ANXA8: variants seen among roughly 807,000 people sequenced by gnomAD.
ANXA8 encodes the protein annexin A8, also known as VAC-beta.
ANXA8 carries 9 observed loss-of-function variants against 26.8 expected under a neutral mutation model. The ratio of observed to expected loss-of-function variants is 0.34; its 90% CI spans 0.20 to 0.59. The LOEUF is 0.59. Ranked by LOEUF, ANXA8 falls within the 20% of genes least tolerant of loss-of-function variation. The probability of loss-of-function intolerance (pLI) is 0.84; values close to 1 mark genes in which losing one functional copy is unlikely to be tolerated. For synonymous variants in ANXA8, 39 were observed against 94.8 expected, an observed-to-expected ratio of 0.41 and a Z score of 3.42; for missense variants, 83 against 238.5, an observed-to-expected ratio of 0.35 and a Z score of 4.29.
At chr10:47,763,155 G>A in the ANXA8 span, 1 of 989,380 alleles carries the variant, frequency 1.0e-6, no homozygotes, top group East Asian at 1.1e-4. Flanking sequence ...CCCCGGCTCG[G>A]GGGAGCCTTC....
chr10:47,732,731 T>C, the ANXA8 span, among the ~76,000 whole-genome samples: 2 of 149,136 alleles, frequency 1.3e-5, no homozygotes, highest in Non-Finnish European at 3.0e-5. Context: ...ACATCTTTTT[T>C]TTTTTTTTGG....
the ANXA8 span, chr10:47,763,484 G>A: frequency 3.4e-6 from 2 of 588,194 alleles, no homozygotes; most frequent in Non-Finnish European, 4.2e-6. Context: ...ACTTAGAGCG[G>A]AGGAGCGGCG....
chr10:47,606,428 T>C, the ANXA8 span, among the ~76,000 whole-genome samples: 1 of 144,316 alleles, frequency 6.9e-6, no homozygotes, highest in Non-Finnish European at 1.5e-5. Context: ...TTTTATTTCC[T>C]TCTCTAAGCA....
the ANXA8 span, among the ~76,000 whole-genome samples, chr10:47,687,105 AAAAATAAAATAAAAT>A: frequency 1.5e-4 from 20 of 137,388 alleles, no homozygotes; most frequent in African/African-American, 4.3e-4. Flanking sequence ...CCCTAACTCA[AAAAATAAAATAAAAT>A]AAAATAAAAT....
chr10:47,636,613 C>T, the ANXA8 span, among the ~76,000 whole-genome samples: 1 of 144,902 alleles, frequency 6.9e-6, no homozygotes, highest in African/African-American at 2.7e-5. Context: ...ACTGAACATA[C>T]TTATTCACCT....
the ANXA8 span, among the ~76,000 whole-genome samples, chr10:47,979,404 T>C: frequency 2.0e-5 from 3 of 151,330 alleles, no homozygotes; most frequent in Non-Finnish European, 3.0e-5. Context: ...CAAGAATAAA[T>C]CTTGTCATGA....
At chr10:47,955,485 G>A in the ANXA8 span, among the ~76,000 whole-genome samples, 2 of 149,848 alleles carry the variant, frequency 1.3e-5, no homozygotes, top group African/African-American at 2.5e-5. Flanking sequence ...GGCATAGCCT[G>A]TTGCTCCTAG....
chr10:47,726,577 C>A, the ANXA8 span, among the ~76,000 whole-genome samples: 10 of 152,328 alleles, frequency 6.6e-5, no homozygotes, highest in Admixed American at 1.3e-4. Context: ...ATTTATAAAA[C>A]AGTTTAATAT....
chr10:47,701,453 A>G, the ANXA8 span, among the ~76,000 whole-genome samples: 6 of 152,066 alleles, frequency 3.9e-5, no homozygotes, highest in South Asian at 1.0e-3. Context: ...ATTGCAAAAT[A>G]TATAGGAGAA....
the ANXA8 span, among the ~76,000 whole-genome samples, chr10:47,584,049 C>T: frequency 7.0e-6 from 1 of 142,296 alleles, no homozygotes; most frequent in Non-Finnish European, 1.5e-5. Context: ...GTGTGGTGGC[C>T]CGCGCCTGTG....
the ANXA8 span, among the ~76,000 whole-genome samples, chr10:47,674,495 T>C: frequency 7.2e-5 from 11 of 151,774 alleles, no homozygotes; most frequent in South Asian, 2.3e-3. Flanking sequence ...AGTGTTGATA[T>C]TGACCTTGAT....
At chr10:47,948,474 T>A in the ANXA8 span, among the ~76,000 whole-genome samples, 4 of 134,862 alleles carry the variant, frequency 3.0e-5, no homozygotes, top group African/African-American at 8.8e-5. Context: ...AATAAAAAAA[T>A]TTCTTTATGA....
At chr10:47,704,186 T>C in the ANXA8 span, among the ~76,000 whole-genome samples, 2 of 142,738 alleles carry the variant, frequency 1.4e-5, no homozygotes, top group South Asian at 2.2e-4. Context: ...GTTTCCTGTT[T>C]AAGATAATTT....
At chr10:47,745,733 T>G in the ANXA8 span, among the ~76,000 whole-genome samples, 41 of 135,272 alleles carry the variant, frequency 3.0e-4, no homozygotes, top group African/African-American at 7.7e-4. Flanking sequence ...AACATCAGCA[T>G]GGTTCATTGC....
the ANXA8 span, among the ~76,000 whole-genome samples, chr10:47,530,636 T>C: frequency 6.7e-5 from 10 of 150,038 alleles, no homozygotes; most frequent in East Asian, 1.8e-3. Flanking sequence ...GAGGTTGCAG[T>C]GAGCCAAGAC....
the ANXA8 span, among the ~76,000 whole-genome samples, chr10:47,560,260 T>C: frequency 6.6e-6 from 1 of 152,020 alleles, no homozygotes; most frequent in African/African-American, 2.4e-5. Context: ...TAAATGCAAG[T>C]TAAAATTTTT....
At chr10:47,693,653 T>A in the ANXA8 span, among the ~76,000 whole-genome samples, 1 of 151,814 alleles carries the variant, frequency 6.6e-6, no homozygotes, top group African/African-American at 2.4e-5. Context: ...CATAGCCACA[T>A]CCCACTGGCA....
chr10:47,691,101 G>A, the ANXA8 span: 1 of 1,610,986 alleles, frequency 6.2e-7, no homozygotes. Flanking sequence ...CCAAATTCTG[G>A]CTCTAAAGTG....
the ANXA8 span, among the ~76,000 whole-genome samples, chr10:47,561,164 A>G: frequency 7.4e-4 from 113 of 152,122 alleles, 3 homozygotes; most frequent in Non-Finnish European, 1.3e-3. Context: ...ACATTACATA[A>G]TTAAGTCAAG....
Sources: allele counts gnomAD v4.1 joint callset (sites outside exome capture counted in the v4.1 genomes callset), GRCh38; gene constraint gnomAD v4.1.1; transcripts MANE v1.5; gene names NCBI Gene and HGNC (gene_info 2026-07-23, HGNC 2026-07-21).